Variants in PIGF observed in about 807,000 individuals in gnomAD.
PIGF encodes phosphatidylinositol glycan anchor biosynthesis class F, also known as GPI ethanolamine phosphate transferase, stabilizing subunit.
A neutral mutation model predicts 26.0 loss-of-function variants in PIGF; 23 were observed. The observed-to-expected ratio is 0.88, with a 90% confidence interval of 0.64 to 1.25. PIGF has a LOEUF of 1.25. PIGF is among the 50% of genes most tolerant of loss of function. The pLI, the probability that PIGF is intolerant of heterozygous loss-of-function variation, is 0.00. For synonymous variants in PIGF, 93 were observed against 92.6 expected (o/e 1.00, Z -0.03); for missense variants, 278 against 249.9 (o/e 1.11, Z -0.76).
At chr2:46,587,955 T>A in intron 5 of PIGF, 1 of 715,332 alleles carries the variant, frequency 1.4e-6, no homozygotes, top group Non-Finnish European at 2.0e-6. Context: ...CATGGTGTAG[T>A]GGGGCTCTCA....
At position 46,589,832 on chromosome 2, in the gene PIGF, ATAAC is replaced by A. The variant is rs1434114149; in HGVS notation, c.546+2639_546+2642del. On this transcript the variant is annotated intron_variant, in intron 5 of 5. Coordinates refer to ENST00000281382, the MANE Select transcript of PIGF (RefSeq NM_002643.4). This position sits in a 1 kb window ranked among gnomAD's most constrained non-coding sequence, Gnocchi z 4.7. ...GAGTTAGAATTATTAAAAAATAACA[ATAAC>A]AAAAAAACAAACAACCTTGTTTGCT... is the stretch of plus-strand genomic sequence containing the variant. 6.6e-6 allele frequency among the ~76,000 whole-genome samples: 1 copy of A among 152,084 alleles called. No individual in the cohort carries two copies.
At chr2:46,606,390 TA>T (rs1439266689) in intron 4 of PIGF, among the ~76,000 whole-genome samples, 1 of 152,232 alleles carries the variant, frequency 6.6e-6, no homozygotes, top group African/African-American at 2.4e-5. Context: ...TTTTTTCCAC[TA>T]ACTTATCGGT....
intron 2 of PIGF, chr2:46,614,042 C>T (rs1424764818): frequency 8.6e-6 from 3 of 350,860 alleles, no homozygotes. Context: ...AAAAGAGGTT[C>T]TGTTTCCATG....
rs559692231 is a variant in PIGF at position 46,581,520 on chromosome 2, C to T, written c.618G>A (p.Trp206Ter). ...TAAGTTGCTTTCTATTCCAGTATAT[C>T]CAGAGTGGTGAAATAACAAGGCCAG... ...YVAGLVISPL[W>*]IYWNRKQLTY... Residue 206 changes from tryptophan to a stop codon, truncating the protein, a stop_gained, in exon 6 of 6, where the codon TGG becomes TGA. Transcript: ENST00000281382. LOFTEE classifies it high-confidence loss of function. 1 of 1,611,564 alleles carries T rather than the reference C, an allele frequency of 6.2e-7. No homozygotes were observed. Among genetic ancestry groups the T allele is most frequent in the South Asian group, 1.1e-5 (1 of 90,968 alleles).
chr2:46,585,873 A>C (rs933680819), intron 5 of PIGF, among the ~76,000 whole-genome samples: 1 of 151,830 alleles, frequency 6.6e-6, no homozygotes, highest in Non-Finnish European at 1.5e-5. Context: ...TCCCAGGTTC[A>C]CGCTATTCTC....
At chr2:46,590,116 ACT>A (rs1251813210) in intron 5 of PIGF, among the ~76,000 whole-genome samples, 2 of 152,138 alleles carry the variant, frequency 1.3e-5, no homozygotes, top group Admixed American at 6.5e-5. Context: ...TGAATGAAAC[ACT>A]CTTAATGGAA....
At chr2:46,607,899 T>C (rs1030601223) in intron 4 of PIGF, among the ~76,000 whole-genome samples, 3 of 152,146 alleles carry the variant, frequency 2.0e-5, no homozygotes, top group Admixed American at 6.6e-5. Context: ...AGTTTCACCA[T>C]GTTGGCCAGG....
intron 4 of PIGF, among the ~76,000 whole-genome samples, chr2:46,598,678 G>A (rs1378709919): frequency 3.3e-5 from 5 of 152,138 alleles, no homozygotes; most frequent in Admixed American, 2.0e-4. Context: ...GGGCCATGGA[G>A]AGAAGAGTGG....
At chr2:46,595,651 ATATTT>A (rs1669859835) in intron 4 of PIGF, among the ~76,000 whole-genome samples, 2 of 152,202 alleles carry the variant, frequency 1.3e-5, no homozygotes, top group Non-Finnish European at 2.9e-5. Flanking sequence ...GGAAACTCTT[ATATTT>A]AATCACTTGA....
At chr2:46,592,659 A>T (rs1669757745) in intron 4 of PIGF, 76 bp from the exon 5 acceptor site, 1 of 744,522 alleles carries the variant, frequency 1.3e-6, no homozygotes, top group Admixed American at 1.9e-5. Context: ...ACTAGCACAC[A>T]TTATCAGTAT....
At chr2:46,590,415 T>C (rs931176122) in intron 5 of PIGF, among the ~76,000 whole-genome samples, 18 of 152,152 alleles carry the variant, frequency 1.2e-4, no homozygotes, top group Admixed American at 2.0e-4. Flanking sequence ...AAAGCACATA[T>C]ATTCATTCCT....
intron 5 of PIGF, chr2:46,591,824 T>G: frequency 2.3e-6 from 3 of 1,299,100 alleles, no homozygotes; most frequent in Non-Finnish European, 3.0e-6. Context: ...TTACCTAGCA[T>G]ATCAGCTTTA....
intron 4 of PIGF, among the ~76,000 whole-genome samples, chr2:46,598,622 C>T (rs932850057): frequency 8.4e-5 from 12 of 143,360 alleles, no homozygotes; most frequent in South Asian, 2.2e-4. Context: ...CCTTCCAATG[C>T]GGCCCAGAGA....
intron 5 of PIGF, among the ~76,000 whole-genome samples, chr2:46,590,161 AAAATT>A (rs1294460141): frequency 1.3e-5 from 2 of 152,126 alleles, no homozygotes; most frequent in African/African-American, 4.8e-5. Flanking sequence ...AATTAGATTT[AAAATT>A]AAATTAATTT....
At chr2:46,598,434 C>T (rs1669954922) in intron 4 of PIGF, among the ~76,000 whole-genome samples, 3 of 151,824 alleles carry the variant, frequency 2.0e-5, no homozygotes. Context: ...TTAGTGTAAG[C>T]TTCTCTAACC....
At chr2:46,583,005 C>A (rs557136288) in intron 5 of PIGF, 6 of 152,220 alleles carry the variant, frequency 3.9e-5, no homozygotes, top group African/African-American at 1.2e-4. Flanking sequence ...TTTTGGTCTG[C>A]TTATTTTTAG....
intron 1 of PIGF, 177 bp downstream of exon 1, chr2:46,616,793 G>A (rs1373306000): frequency 5.2e-6 from 1 of 191,048 alleles, no homozygotes; most frequent in East Asian, 1.7e-4. Flanking sequence ...GGGGGACAGA[G>A]GCGAAAACTC....
At chr2:46,602,871 C>T (rs1370141126) in intron 4 of PIGF, among the ~76,000 whole-genome samples, 2 of 151,564 alleles carry the variant, frequency 1.3e-5, no homozygotes, top group Admixed American at 6.6e-5. Context: ...CTAGAGCAAT[C>T]AGATGAGAGA....
intron 4 of PIGF, among the ~76,000 whole-genome samples, chr2:46,598,436 T>A (rs1669955119): frequency 6.6e-6 from 1 of 152,026 alleles, no homozygotes; most frequent in Non-Finnish European, 1.5e-5. Context: ...AGTGTAAGCT[T>A]CTCTAACCCA....
Sources: gnomAD v4.1 joint callset for allele counts (sites outside exome capture counted in the v4.1 genomes callset) on GRCh38, gnomAD v4.1.1 for gene constraint, Gnocchi (gnomAD v3.1) non-coding constraint, MANE v1.5 for transcripts, NCBI Gene and HGNC (gene_info 2026-07-23, HGNC 2026-07-21) for gene names.